The following KLF12 variants were observed in gnomAD, a reference collection of about 807,000 sequenced individuals.
KLF12 encodes the protein Krueppel-like factor 12.
Under a neutral mutation model 37.8 loss-of-function variants are expected in KLF12, and 9 were observed. The ratio of observed to expected loss-of-function variants is 0.24; its 90% CI spans 0.14 to 0.42. KLF12 has a LOEUF of 0.42. Among genes scored for constraint, KLF12 ranks in the 10% least tolerant of loss-of-function variants. The pLI is 1.00. For synonymous variants in KLF12, 208 were observed against 202.1 expected (o/e 1.03, Z -0.25); for missense variants, 411 against 516.0 (o/e 0.80, Z 1.97).
chr13:73,805,973 T>C (rs1425181309), intron 5 of KLF12, among the ~76,000 whole-genome samples: 1 of 151,140 alleles, frequency 6.6e-6, no homozygotes, highest in Non-Finnish European at 1.5e-5. Context: ...CCCAACTAAT[T>C]TTCATATTTT....
the KLF12 span, among the ~76,000 whole-genome samples, chr13:74,172,709 C>T: frequency 3.9e-5 from 6 of 152,184 alleles, no homozygotes; most frequent in Non-Finnish European, 4.4e-5. Context: ...GAATGCATCA[C>T]GTGCCTTTCC....
chr13:73,848,330 C>G (rs1230138946), intron 3 of KLF12, among the ~76,000 whole-genome samples: 3 of 151,952 alleles, frequency 2.0e-5, no homozygotes, highest in Non-Finnish European at 4.4e-5. Context: ...AAATGCGGAC[C>G]TTATCTGTAA....
chr13:74,060,547 G>A (rs931617105), intron 1 of KLF12, among the ~76,000 whole-genome samples: 1 of 125,754 alleles, frequency 8.0e-6, no homozygotes, highest in African/African-American at 3.0e-5. Context: ...ATGGGGTTGA[G>A]TTCCTGATTT....
In KLF12 at chr13:73,940,589, T is replaced by C. The variant is rs569617792; in HGVS notation, c.123+3392A>G. The stretch of plus-strand genomic sequence containing the variant: ...CAATAACCCTATGACATAGAGCAGG[T>C]TGACAATTATCTATTGACTGGTTTT... On this transcript the variant is annotated intron_variant, in intron 3 of 7. Transcript: ENST00000377669. Among the ~76,000 whole-genome samples the C allele has an allele frequency of 2.0e-5, 3 of 152,352 alleles. No individual in the cohort carries two copies. In the East Asian group the frequency reaches 5.8e-4, roughly 29 times the overall value.
At chr13:74,242,498 A>G in the KLF12 span, among the ~76,000 whole-genome samples, 1 of 152,204 alleles carries the variant, frequency 6.6e-6, no homozygotes. Flanking sequence ...AACTATTCCC[A>G]TGATTCAATT....
At chr13:74,065,243 C>A (rs1439724954) in intron 1 of KLF12, among the ~76,000 whole-genome samples, 1 of 145,910 alleles carries the variant, frequency 6.9e-6, no homozygotes, top group Non-Finnish European at 1.5e-5. Flanking sequence ...TATATATACA[C>A]ACTGTATACT....
At chr13:74,212,984 G>T in the KLF12 span, among the ~76,000 whole-genome samples, 1 of 151,940 alleles carries the variant, frequency 6.6e-6, no homozygotes, top group African/African-American at 2.4e-5. Context: ...AATGAATGTG[G>T]CACTAATAAA....
At chr13:74,007,495 C>T (rs1406519632) in intron 1 of KLF12, among the ~76,000 whole-genome samples, 4 of 151,776 alleles carry the variant, frequency 2.6e-5, no homozygotes, top group Admixed American at 2.6e-4. Context: ...CAGGATGGTC[C>T]CGATCTCCTG....
chr13:74,247,384 T>C, the KLF12 span, among the ~76,000 whole-genome samples: 1 of 152,108 alleles, frequency 6.6e-6, no homozygotes, highest in Non-Finnish European at 1.5e-5. Context: ...ACATGGGCAA[T>C]TTGGGGGGAT....
intron 2 of KLF12, among the ~76,000 whole-genome samples, chr13:73,945,057 G>GA (rs910471873): frequency 2.7e-4 from 41 of 150,900 alleles, no homozygotes; most frequent in East Asian, 1.2e-3. Context: ...CTTATTAAGA[G>GA]AAAAAAAAAT....
chr13:73,797,694 C>G (rs1468985858), intron 5 of KLF12, among the ~76,000 whole-genome samples: 1 of 146,046 alleles, frequency 6.8e-6, no homozygotes, highest in Non-Finnish European at 1.5e-5. Context: ...CCCTTGAGCC[C>G]AGGAGTTTGA....
At chr13:73,750,759 T>C (rs1878693357) in intron 6 of KLF12, among the ~76,000 whole-genome samples, 1 of 152,082 alleles carries the variant, frequency 6.6e-6, no homozygotes, top group African/African-American at 2.4e-5. Flanking sequence ...CAGAATGCAT[T>C]AGCTATTTTT....
chr13:74,219,653 G>A, the KLF12 span, among the ~76,000 whole-genome samples: 7 of 152,034 alleles, frequency 4.6e-5, no homozygotes, highest in Non-Finnish European at 4.4e-5. Flanking sequence ...CTTTAATGTG[G>A]GTCTTATTAC....
chr13:73,968,541 C>T (rs767377786), intron 2 of KLF12, among the ~76,000 whole-genome samples: 6 of 152,048 alleles, frequency 3.9e-5, no homozygotes, highest in Non-Finnish European at 7.4e-5. Context: ...TATCTTTCGT[C>T]GTCATCTATG....
chr13:73,712,595 T>C (rs538450682), intron 7 of KLF12, among the ~76,000 whole-genome samples: 1 of 152,318 alleles, frequency 6.6e-6, no homozygotes, highest in South Asian at 2.1e-4. Flanking sequence ...AAAGAAGTTC[T>C]ATGGTGGGTA....
At chr13:73,818,267 T>G (rs1883343169) in intron 4 of KLF12, among the ~76,000 whole-genome samples, 1 of 152,244 alleles carries the variant, frequency 6.6e-6, no homozygotes, top group African/African-American at 2.4e-5. Flanking sequence ...TGCCTTGGCC[T>G]CCCAAGTAGC....
chr13:74,178,282 T>C, the KLF12 span, among the ~76,000 whole-genome samples: 1 of 152,224 alleles, frequency 6.6e-6, no homozygotes, highest in African/African-American at 2.4e-5. Context: ...TACTGCTTCA[T>C]CATGTTGTCC....
the KLF12 span, among the ~76,000 whole-genome samples, chr13:74,189,637 A>C: frequency 4.6e-5 from 7 of 152,096 alleles, no homozygotes; most frequent in African/African-American, 1.7e-4. Flanking sequence ...CTTTCACCTC[A>C]CTCTCCAACC....
At chr13:74,078,897 C>T (rs1235908691) in intron 1 of KLF12, among the ~76,000 whole-genome samples, 3 of 152,056 alleles carry the variant, frequency 2.0e-5, no homozygotes, top group East Asian at 3.9e-4. Context: ...TAAAATGTAC[C>T]GTATTATTTT....
Sources: gnomAD v4.1 joint callset for allele counts (sites outside exome capture counted in the v4.1 genomes callset) on GRCh38, gnomAD v4.1.1 for gene constraint, MANE v1.5 for transcripts, NCBI Gene and HGNC (gene_info 2026-07-23, HGNC 2026-07-21) for gene names.